Variants in PTPRG observed in about 807,000 individuals in gnomAD.
PTPRG encodes protein tyrosine phosphatase receptor type G.
In PTPRG, 102 loss-of-function variants were observed where a neutral mutation model predicts 165.3. The ratio of observed to expected loss-of-function variants is 0.62; its 90% CI spans 0.53 to 0.73. PTPRG has a LOEUF of 0.73. Among genes scored for constraint, PTPRG ranks in the 30% least tolerant of loss-of-function variants. PTPRG has a pLI of 0.00. For missense variants in PTPRG, 1,866 were observed against 1,861.4 expected, an observed-to-expected ratio of 1.00 and a Z score of -0.05; for synonymous variants, 675 against 669.5, an observed-to-expected ratio of 1.01 and a Z score of -0.13.
intron 2 of PTPRG, among the ~76,000 whole-genome samples, chr3:61,832,741 G>C (rs1301897466): frequency 2.6e-5 from 4 of 152,086 alleles, no homozygotes; most frequent in Non-Finnish European, 5.9e-5. Flanking sequence ...TGGGGAACAG[G>C]GTATTTGGTT....
chr3:62,176,560 C>G (rs2106760752), intron 8 of PTPRG, among the ~76,000 whole-genome samples: 1 of 152,214 alleles, frequency 6.6e-6, no homozygotes, highest in Non-Finnish European at 1.5e-5. Flanking sequence ...AGGAAACATA[C>G]TTGTGGGAAT....
At chr3:61,871,118 A>ATGTTG (rs2037559740) in intron 2 of PTPRG, among the ~76,000 whole-genome samples, 7 of 106,240 alleles carry the variant, frequency 6.6e-5, no homozygotes, top group South Asian at 3.6e-4. Flanking sequence ...CTGTTATGTT[A>ATGTTG]TGTTATGTTA....
At chr3:62,035,960 T>G (rs1272789322) in intron 4 of PTPRG, among the ~76,000 whole-genome samples, 1 of 152,060 alleles carries the variant, frequency 6.6e-6, no homozygotes, top group East Asian at 1.9e-4. Flanking sequence ...TGATGTCGCA[T>G]TAATTCAGGG....
chr3:61,698,837 C>A (rs1052352353), intron 1 of PTPRG, among the ~76,000 whole-genome samples: 18 of 152,014 alleles, frequency 1.2e-4, no homozygotes, highest in Non-Finnish European at 8.8e-5. Flanking sequence ...TACTATGCAG[C>A]CATAAAAAAT....
chr3:62,158,058 T>C (rs1704608190), intron 7 of PTPRG, among the ~76,000 whole-genome samples: 1 of 152,200 alleles, frequency 6.6e-6, no homozygotes, highest in Non-Finnish European at 1.5e-5. Flanking sequence ...ATTGTACTGC[T>C]TCCTTCTGAG....
At position 62,180,855 on chromosome 3, in the gene PTPRG, G is replaced by A. The variant is rs887472914; in HGVS notation, c.1034-10614G>A. Reference sequence around the variant, plus strand: ...CAGGGAGAGCATAATGTGGGAAGTCGAAACCAGTGCTTGAACTGGAGAATT... The same window carrying A: ...CAGGGAGAGCATAATGTGGGAAGTCAAAACCAGTGCTTGAACTGGAGAATT... On this transcript the variant is annotated intron_variant, in intron 8 of 29. Transcript: ENST00000474889. 4.6e-5 allele frequency among the ~76,000 whole-genome samples: 7 copies of A among 152,188 alleles called. No individual in the cohort carries two copies. The South Asian group carries it at 1.2e-3, about 27-fold the overall frequency.
chr3:61,578,040 A>G (rs1241282369), intron 1 of PTPRG, among the ~76,000 whole-genome samples: 1 of 152,226 alleles, frequency 6.6e-6, no homozygotes, highest in Non-Finnish European at 1.5e-5. Context: ...CTTGGCATCT[A>G]GGGAGCACTT....
At position 61,705,429 on chromosome 3, in the gene PTPRG, A is replaced by G. The variant is rs1309662527; in HGVS notation, c.86-43449A>G. On this transcript the variant is annotated intron_variant, in intron 1 of 29. Transcript: ENST00000474889. ...TTTTGTCAGGGGTTTCAGGCTTTGG[A>G]TTTTGTGGACCAGTTTAAAACTGGA... Among the ~76,000 whole-genome samples, 3 of 152,012 alleles carry G rather than the reference A, an allele frequency of 2.0e-5. No individual in the cohort carries two copies. The East Asian group carries it at 5.8e-4, about 29-fold the overall frequency.
chr3:61,734,696 G>A (rs1448313371), intron 1 of PTPRG, among the ~76,000 whole-genome samples: 7 of 152,072 alleles, frequency 4.6e-5, no homozygotes, highest in Admixed American at 6.6e-5. Flanking sequence ...ACTCTTCAAC[G>A]TTAGTGTATT....
intron 4 of PTPRG, among the ~76,000 whole-genome samples, chr3:62,068,255 G>A (rs545936027): frequency 4.6e-5 from 7 of 152,102 alleles, no homozygotes; most frequent in Non-Finnish European, 1.0e-4. Flanking sequence ...TATGCTTGAG[G>A]CTGCCTCAGG....
intron 1 of PTPRG, among the ~76,000 whole-genome samples, chr3:61,613,608 G>A (rs1213117853): frequency 6.6e-6 from 1 of 152,222 alleles, no homozygotes; most frequent in African/African-American, 2.4e-5. Flanking sequence ...CTGTGTGGGA[G>A]AGATTCTCTT....
intron 1 of PTPRG, among the ~76,000 whole-genome samples, chr3:61,570,922 C>T (rs1465607588): frequency 1.3e-5 from 2 of 152,068 alleles, no homozygotes; most frequent in East Asian, 1.9e-4. Flanking sequence ...CAACATCTTA[C>T]GGAAGTGGGG....
rs1030286585 is a variant in PTPRG, at chr3:61,703,161, T to A, written c.86-45717T>A. ...AGGAAGTTGAATCTTTTTTTTTTTTTTCCCCCTGTATGAAAGTTCAGTGGA... is the reference window on the plus strand; with the variant it reads ...AGGAAGTTGAATCTTTTTTTTTTTTATCCCCCTGTATGAAAGTTCAGTGGA... On this transcript the variant is annotated intron_variant, in intron 1 of 29. Transcript: ENST00000474889. 2.0e-5 allele frequency among the ~76,000 whole-genome samples: 3 copies of A among 152,142 alleles called. No homozygotes were observed. The East Asian group carries it at 5.8e-4, about 29-fold the overall frequency.
intron 2 of PTPRG, among the ~76,000 whole-genome samples, chr3:61,878,062 A>AT (rs1033476853): frequency 1.3e-5 from 2 of 152,094 alleles, no homozygotes; most frequent in African/African-American, 4.8e-5. Context: ...GTATGAGATA[A>AT]TTTTCTCAAG....
chr3:62,201,671 A>T (rs961379338), intron 11 of PTPRG, 117 bp downstream of exon 11: 2 of 814,510 alleles, frequency 2.5e-6, no homozygotes, highest in East Asian at 5.5e-5. Context: ...TAAAGCGGTT[A>T]TAGTAGAGAA....
intron 7 of PTPRG, among the ~76,000 whole-genome samples, chr3:62,165,776 A>G (rs747100262): frequency 1.1e-4 from 17 of 152,284 alleles, no homozygotes; most frequent in Middle Eastern, 3.4e-3. Flanking sequence ...ATATACTTCA[A>G]TGATTTTTGC....
chr3:62,057,366 G>A (rs1330317069), intron 4 of PTPRG, among the ~76,000 whole-genome samples: 1 of 152,224 alleles, frequency 6.6e-6, no homozygotes, highest in African/African-American at 2.4e-5. Context: ...CCAGGAAGAT[G>A]GAGAAGTACC....
At chr3:62,071,586 A>G (rs1701212572) in intron 4 of PTPRG, among the ~76,000 whole-genome samples, 1 of 152,194 alleles carries the variant, frequency 6.6e-6, no homozygotes. Context: ...ACCTTGTCTC[A>G]TTAATGATAT....
At position 62,273,805 on chromosome 3, in the gene PTPRG, A is replaced by G. The variant is rs199720172; in HGVS notation, c.3426A>G (p.Pro1142=). 981 of 1,613,822 alleles carry G rather than the reference A, an allele frequency of 6.1e-4. 11 individuals carry two copies. The South Asian group carries it at 0.01, about 17-fold the overall frequency. ...LHSYVNSILI[P]GVGGKTRLEK... ...GCTATGTTAACAGCATCCTTATACC[A>G]GGAGTAGGAGGAAAGACACGACTGG... is the stretch of plus-strand genomic sequence containing the variant. Residue 1142 remains proline, a synonymous_variant, in exon 23 of 30, where the codon CCA becomes CCG. Transcript: ENST00000474889. This position sits in a 1 kb window ranked among gnomAD's most constrained non-coding sequence, Gnocchi z 4.1.
Sources: gnomAD v4.1 joint callset for allele counts (sites outside exome capture counted in the v4.1 genomes callset) on GRCh38, gnomAD v4.1.1 for gene constraint, Gnocchi (gnomAD v3.1) non-coding constraint, MANE v1.5 for transcripts, NCBI Gene and HGNC (gene_info 2026-07-23, HGNC 2026-07-21) for gene names.